The following UMAD1 variants were observed in gnomAD, a reference collection of about 807,000 sequenced individuals.
UMAD1 encodes the protein UBAP1-MVB12-associated (UMA)-domain containing protein 1.
UMAD1 carries 8 observed loss-of-function variants against 6.1 expected under a neutral mutation model. That is an observed-to-expected ratio of 1.30 (90% CI 0.76 to 2.35). The LOEUF (loss-of-function observed/expected upper bound fraction) is 2.35. Ranked by LOEUF, UMAD1 falls within the 30% of genes most tolerant of loss-of-function variation. The pLI, the probability that UMAD1 is intolerant of heterozygous loss-of-function variation, is 0.00. For missense variants in UMAD1, 130 were observed against 78.4 expected (o/e 1.66, Z -2.49); for synonymous variants, 56 against 31.4 (o/e 1.78, Z -2.61).
Position 7,661,741 on chromosome 7 carries a change from C to T in UMAD1, c.-63-11568C>T, listed in dbSNP as rs180695506. ...GAGCTCTCCTCTATGAGGTGTCTGT[C>T]GGCCCCTGCTGGGAGGTGTCTCCCA... On this transcript the variant is annotated intron_variant, in intron 1 of 3. Coordinates refer to ENST00000682710, the MANE Select transcript of UMAD1 (RefSeq NM_001302348.2). Among the ~76,000 whole-genome samples, 149 of 152,288 alleles carry T rather than the reference C, an allele frequency of 9.8e-4. 1 individual carries two copies. The highest frequency in any genetic ancestry group is 2.9e-3 in the East Asian group (15 of 5,180).
intron 3 of UMAD1, among the ~76,000 whole-genome samples, chr7:7,833,902 T>G (rs1285034705): frequency 6.6e-6 from 1 of 152,150 alleles, no homozygotes; most frequent in Non-Finnish European, 1.5e-5. Context: ...CTTCCCATCT[T>G]ATTCTGTCAA....
intron 3 of UMAD1, among the ~76,000 whole-genome samples, chr7:7,865,504 A>C (rs1255558005): frequency 6.6e-6 from 1 of 152,196 alleles, no homozygotes; most frequent in African/African-American, 2.4e-5. Context: ...AGTTCCTTAC[A>C]GAAAAAAATC....
At chr7:7,681,696 C>A (rs920142266) in intron 2 of UMAD1, among the ~76,000 whole-genome samples, 1 of 152,014 alleles carries the variant, frequency 6.6e-6, no homozygotes, top group African/African-American at 2.4e-5. Context: ...TTTTTCATAG[C>A]CTTATACTAC....
At chr7:7,674,930 T>G (rs1482881909) in intron 2 of UMAD1, among the ~76,000 whole-genome samples, 1 of 152,146 alleles carries the variant, frequency 6.6e-6, no homozygotes, top group African/African-American at 2.4e-5. Flanking sequence ...CTGTTATATA[T>G]TCCTGATTTT....
chr7:7,723,813 C>T (rs977139105), intron 2 of UMAD1, among the ~76,000 whole-genome samples: 10 of 152,136 alleles, frequency 6.6e-5, no homozygotes. Context: ...AGAGGCAAAG[C>T]AACAATCAGA....
intron 2 of UMAD1, among the ~76,000 whole-genome samples, chr7:7,730,686 G>A (rs559688145): frequency 6.6e-6 from 1 of 152,196 alleles, no homozygotes; most frequent in East Asian, 1.9e-4. Flanking sequence ...TAATAAGCAT[G>A]CATTTCTCTT....
intron 3 of UMAD1, among the ~76,000 whole-genome samples, chr7:7,859,993 A>G (rs1247609645): frequency 6.6e-6 from 1 of 152,152 alleles, no homozygotes; most frequent in African/African-American, 2.4e-5. Context: ...TTTAGACACC[A>G]TTGTGGCTTC....
At position 7,793,018 on chromosome 7, in the gene UMAD1, C is replaced by T. The variant is rs145773491; in HGVS notation, c.83-8652C>T. On this transcript the variant is annotated intron_variant, in intron 2 of 3. Coordinates refer to ENST00000682710, the MANE Select transcript of UMAD1 (RefSeq NM_001302348.2). The stretch of plus-strand genomic sequence containing the variant: ...ACACTGGGGATTAGGTTTCAATATA[C>T]GAATTTTGCAGGGATCGGGGAGGAC... Among the ~76,000 whole-genome samples, 13 of 152,232 alleles carry T rather than the reference C, an allele frequency of 8.5e-5. No homozygotes were observed. In the East Asian group the frequency reaches 1.4e-3, roughly 16 times the overall value.
intron 3 of UMAD1, among the ~76,000 whole-genome samples, chr7:7,848,154 T>C (rs1333112618): frequency 6.6e-6 from 1 of 152,214 alleles, no homozygotes; most frequent in Non-Finnish European, 1.5e-5. Context: ...TCAACTACAG[T>C]ATAACCTGTT....
intron 1 of UMAD1, among the ~76,000 whole-genome samples, chr7:7,646,437 C>T (rs1340334244): frequency 1.3e-5 from 2 of 149,876 alleles, no homozygotes; most frequent in Non-Finnish European, 3.0e-5. Flanking sequence ...GAATAAGTCT[C>T]ACGAGATCTG....
At chr7:7,815,678 CTT>C (rs993201914) in intron 3 of UMAD1, among the ~76,000 whole-genome samples, 8 of 152,092 alleles carry the variant, frequency 5.3e-5, no homozygotes. Flanking sequence ...TGTCCAGAAA[CTT>C]TTCAAAAAAT....
intron 1 of UMAD1, among the ~76,000 whole-genome samples, chr7:7,646,019 G>A (rs1785085815): frequency 6.6e-6 from 1 of 152,180 alleles, no homozygotes; most frequent in Non-Finnish European, 1.5e-5. Context: ...GCATGCAGGT[G>A]AGCAGGTGCA....
At position 7,699,053 on chromosome 7, in the gene UMAD1, G is replaced by C. The variant is rs4524695; in HGVS notation, c.82+25600G>C. ...TATAGTTTGTGTGTGTGTGTGTGGG[G>C]GGGGGGTAGATACCAGGTTTGCTAT... On this transcript the variant is annotated intron_variant, in intron 2 of 3. Coordinates refer to ENST00000682710, the MANE Select transcript of UMAD1 (RefSeq NM_001302348.2). 2.0e-4 allele frequency among the ~76,000 whole-genome samples: 30 copies of C among 150,806 alleles called. No homozygotes were observed. The East Asian group carries it at 2.5e-3, about 13-fold the overall frequency.
chr7:7,843,482 C>T (rs1282879200), intron 3 of UMAD1, among the ~76,000 whole-genome samples: 1 of 152,134 alleles, frequency 6.6e-6, no homozygotes, highest in Non-Finnish European at 1.5e-5. Context: ...TTGAACTAGT[C>T]TTTGAGTGGA....
At chr7:7,782,599 T>C (rs369181756) in intron 2 of UMAD1, among the ~76,000 whole-genome samples, 11 of 152,192 alleles carry the variant, frequency 7.2e-5, no homozygotes, top group African/African-American at 2.4e-4. Context: ...ATCCTAAAGA[T>C]AGTTTTAAGT....
chr7:7,804,529 C>T (rs1014348749), intron 3 of UMAD1, among the ~76,000 whole-genome samples: 13 of 152,162 alleles, frequency 8.5e-5, no homozygotes, highest in South Asian at 2.1e-4. Flanking sequence ...AAAAATTAGC[C>T]GGGCTTGGCG....
intron 2 of UMAD1, among the ~76,000 whole-genome samples, chr7:7,756,466 T>G (rs1194122402): frequency 6.6e-6 from 1 of 152,190 alleles, no homozygotes; most frequent in Non-Finnish European, 1.5e-5. Context: ...TTTGGGCATA[T>G]CTTGATTTAA....
chr7:7,688,501 C>T lies in UMAD1; in HGVS notation c.82+15048C>T, dbSNP rs1326599216. Among the ~76,000 whole-genome samples the T allele has an allele frequency of 2.6e-5, 4 of 152,164 alleles. No homozygotes were observed. The East Asian group carries it at 5.8e-4, about 22-fold the overall frequency. Reference sequence around the variant, plus strand: ...CCTTGCCCTCAGCCCCGTGTTTCCTCATGCAGAGTGCCCAGCTTGTTTCAT... The same window carrying T: ...CCTTGCCCTCAGCCCCGTGTTTCCTTATGCAGAGTGCCCAGCTTGTTTCAT... On this transcript the variant is annotated intron_variant, in intron 2 of 3. Coordinates refer to ENST00000682710, the MANE Select transcript of UMAD1 (RefSeq NM_001302348.2).
intron 1 of UMAD1, among the ~76,000 whole-genome samples, chr7:7,658,896 G>A (rs1454711858): frequency 6.6e-6 from 1 of 152,126 alleles, no homozygotes; most frequent in African/African-American, 2.4e-5. Context: ...GCTCCTGTTT[G>A]TACCTCTGGT....
Sources: gnomAD v4.1 joint callset for allele counts (sites outside exome capture counted in the v4.1 genomes callset) on GRCh38, gnomAD v4.1.1 for gene constraint, MANE v1.5 for transcripts, NCBI Gene and HGNC (gene_info 2026-07-23, HGNC 2026-07-21) for gene names.